Variants in ADGRL2 observed in about 807,000 individuals in gnomAD.
ADGRL2 encodes calcium-independent alpha-latrotoxin receptor 2.
Under a neutral mutation model 157.4 loss-of-function variants are expected in ADGRL2, and 44 were observed. The ratio of observed to expected loss-of-function variants is 0.28; its 90% CI spans 0.22 to 0.36. ADGRL2 has a LOEUF of 0.36. ADGRL2 is among the 10% of genes least tolerant of loss of function. The pLI is 1.00. For synonymous variants in ADGRL2, 585 were observed against 624.7 expected (o/e 0.94, Z 0.95); for missense variants, 1,510 against 1,768.9 (o/e 0.85, Z 2.63).
chr1:81,764,997 T>C (rs2086063503), intron 2 of ADGRL2, among the ~76,000 whole-genome samples: 1 of 152,046 alleles, frequency 6.6e-6, no homozygotes, highest in Non-Finnish European at 1.5e-5. Context: ...CAAATTGTAT[T>C]GTGTAAATAA....
At chr1:81,508,756 C>T (rs1229173325) in intron 2 of ADGRL2, among the ~76,000 whole-genome samples, 3 of 152,142 alleles carry the variant, frequency 2.0e-5, no homozygotes, top group East Asian at 1.9e-4. Context: ...ACGAGGGTAC[C>T]GCCATCTCAT....
At chr1:81,499,728 G>A (rs2078804166) in intron 2 of ADGRL2, among the ~76,000 whole-genome samples, 1 of 152,164 alleles carries the variant, frequency 6.6e-6, no homozygotes, top group Non-Finnish European at 1.5e-5. Flanking sequence ...GCTTACCACT[G>A]CTATAAATAC....
chr1:81,378,277 G>A (rs1415023962), intron 1 of ADGRL2, among the ~76,000 whole-genome samples: 8 of 152,160 alleles, frequency 5.3e-5, no homozygotes, highest in Admixed American at 3.9e-4. Flanking sequence ...TTCACCAGGC[G>A]TGGTAGCTCG....
intron 1 of ADGRL2, among the ~76,000 whole-genome samples, chr1:81,344,211 G>A (rs938031297): frequency 5.3e-5 from 8 of 152,112 alleles, no homozygotes; most frequent in South Asian, 2.1e-4. Flanking sequence ...TTGGATTACA[G>A]GCGCAACGTC....
intron 3 of ADGRL2, among the ~76,000 whole-genome samples, chr1:81,670,417 G>A (rs749162230): frequency 2.6e-5 from 4 of 152,186 alleles, no homozygotes; most frequent in Non-Finnish European, 5.9e-5. Flanking sequence ...AGTAGGAGCT[G>A]TGCTTGTATA....
chr1:81,511,852 A>G (rs2079085122), intron 2 of ADGRL2, among the ~76,000 whole-genome samples: 6 of 152,290 alleles, frequency 3.9e-5, no homozygotes, highest in Admixed American at 2.6e-4. Context: ...TAGTGAATCA[A>G]CCAAGCACAT....
intron 1 of ADGRL2, among the ~76,000 whole-genome samples, chr1:81,818,337 T>A (rs2090629674): frequency 6.6e-6 from 1 of 152,196 alleles, no homozygotes; most frequent in Non-Finnish European, 1.5e-5. Flanking sequence ...CTTTAATAAT[T>A]CACAGCATTT....
Position 81,990,664 on chromosome 1 carries a change from C to T in ADGRL2, c.3929C>T (p.Ala1310Val), listed in dbSNP as rs1374001060. 6.2e-7 allele frequency: 1 copy of T among 1,614,184 alleles called. No homozygotes were observed. Among genetic ancestry groups the T allele is most frequent in the East Asian group, 2.2e-5 (1 of 44,872 alleles). Residue 1310 changes from alanine (A) to valine (V), a missense_variant, in exon 24 of 24, where the codon GCT becomes GTT. By Grantham distance (64) the Ala-to-Val change is moderately conservative. Around this residue, in one of 4 missense-constraint regions of ADGRL2, gnomAD observed 327 missense variants for 310.1 expected, o/e 1.05. Coordinates refer to ENST00000686636, the MANE Select transcript of ADGRL2 (RefSeq NM_001366006.2). ...GGAGGTAGCAGCAGTGAAGATGATG[C>T]TATTGTGGCAGATGCTTCATCTTTA... ...VIGGSSSEDD[A>V]IVADASSLMH...
intron 1 of ADGRL2, among the ~76,000 whole-genome samples, chr1:81,734,405 A>G (rs1571002552): frequency 6.7e-6 from 1 of 149,514 alleles, no homozygotes; most frequent in Non-Finnish European, 1.5e-5. Flanking sequence ...TGATGCGTCT[A>G]CAAGTCAAGG....
Position 81,484,709 on chromosome 1 carries a change from G to GA in ADGRL2, c.-248+39628dup, listed in dbSNP as rs1230620898. ...GGCACAAAGCAAGGTCTCTTAAATG[G>GA]AAAAAAAATCATCGTCTTAGAAGGG... On this transcript the variant is annotated intron_variant, in intron 2 of 24. Transcript: ENST00000370721. 5.9e-5 allele frequency among the ~76,000 whole-genome samples: 9 copies of GA among 151,704 alleles called. No individual in the cohort carries two copies. The South Asian group carries it at 1.7e-3, about 28-fold the overall frequency.
rs138341875 is a variant in ADGRL2, at chr1:81,538,582, A to G, written c.-247-42294A>G. Reference sequence around the variant, plus strand: ...AGTAGTGAGATTCTTGCATCTATACATGGAATCTCTGGATACAATAACCAC... The same window carrying G: ...AGTAGTGAGATTCTTGCATCTATACGTGGAATCTCTGGATACAATAACCAC... On this transcript the variant is annotated intron_variant, in intron 2 of 24. Transcript: ENST00000370721. 2.1e-3 allele frequency among the ~76,000 whole-genome samples: 321 copies of G among 152,346 alleles called. 1 individual carries two copies. Among genetic ancestry groups the G allele is most frequent in the African/African-American group, 7.2e-3 (298 of 41,582 alleles).
chr1:81,587,334 T>A (rs1226104753), intron 3 of ADGRL2, among the ~76,000 whole-genome samples: 1 of 151,868 alleles, frequency 6.6e-6, no homozygotes, highest in Non-Finnish European at 1.5e-5. Flanking sequence ...CCTCTTTGAG[T>A]TTGGAAAGAG....
intron 1 of ADGRL2, among the ~76,000 whole-genome samples, chr1:81,365,734 G>A (rs1285075936): frequency 6.6e-6 from 1 of 152,114 alleles, no homozygotes; most frequent in Non-Finnish European, 1.5e-5. Context: ...TTCAACATTA[G>A]CACTTATTCA....
intron 1 of ADGRL2, among the ~76,000 whole-genome samples, chr1:81,404,403 C>G (rs1325810164): frequency 1.3e-5 from 2 of 152,110 alleles, no homozygotes; most frequent in African/African-American, 4.8e-5. Context: ...CAAGAACTTC[C>G]AAATATTTAA....
intron 2 of ADGRL2, among the ~76,000 whole-genome samples, chr1:81,849,627 A>G (rs1452171493): frequency 6.6e-6 from 1 of 151,914 alleles, no homozygotes; most frequent in African/African-American, 2.4e-5. Context: ...TTTGTCCAAA[A>G]AAGATTAATC....
At chr1:81,911,963 C>A (rs548577722) in intron 3 of ADGRL2, among the ~76,000 whole-genome samples, 6 of 151,144 alleles carry the variant, frequency 4.0e-5, no homozygotes, top group African/African-American at 1.5e-4. Flanking sequence ...ACTAGCCTGG[C>A]TCCTTCAAAG....
At chr1:81,591,933 C>G (rs1043205240) in intron 3 of ADGRL2, among the ~76,000 whole-genome samples, 7 of 152,170 alleles carry the variant, frequency 4.6e-5, no homozygotes, top group African/African-American at 1.7e-4. Flanking sequence ...GTAAAATACT[C>G]TAAAGCAGAG....
chr1:81,614,334 T>C (rs1362565817), intron 3 of ADGRL2, among the ~76,000 whole-genome samples: 1 of 152,188 alleles, frequency 6.6e-6, no homozygotes, highest in Non-Finnish European at 1.5e-5. Flanking sequence ...TCACTCTCTG[T>C]TCTTGCTCAC....
intron 2 of ADGRL2, among the ~76,000 whole-genome samples, chr1:81,474,164 G>A (rs775273842): frequency 4.6e-5 from 7 of 152,184 alleles, no homozygotes; most frequent in African/African-American, 7.2e-5. Context: ...TGGATAGAAT[G>A]GGATTTTGTA....
Sources: gnomAD v4.1 joint callset for allele counts (sites outside exome capture counted in the v4.1 genomes callset) on GRCh38, gnomAD v4.1.1 for gene constraint, gnomAD v4.1.1 regional missense constraint, MANE v1.5 for transcripts, NCBI Gene and HGNC (gene_info 2026-07-23, HGNC 2026-07-21) for gene names.